The following EPHA4 variants were observed in gnomAD, a reference collection of about 807,000 sequenced individuals.
EPHA4 encodes the protein EPH receptor A4.
EPHA4 carries 19 observed loss-of-function variants against 108.3 expected under a neutral mutation model. That is an observed-to-expected ratio of 0.18 (90% CI 0.12 to 0.26). The LOEUF (loss-of-function observed/expected upper bound fraction) is 0.26. Among genes scored for constraint, EPHA4 ranks in the 10% least tolerant of loss-of-function variants. The pLI is 1.00. For synonymous variants in EPHA4, 449 were observed against 455.5 expected, an observed-to-expected ratio of 0.99 and a Z score of 0.18; for missense variants, 917 against 1,254.0, an observed-to-expected ratio of 0.73 and a Z score of 4.06.
At position 221,460,925 on chromosome 2, in the gene EPHA4, G is replaced by C. The variant is rs189411162; in HGVS notation, c.1319-2935C>G. On this transcript the variant is annotated intron_variant, in intron 5 of 17. Transcript: ENST00000281821. ...AGTAATATTTTCTTTAATAAATGCA[G>C]TATCTTTAACTTCAACAGTTGTATT... Among the ~76,000 whole-genome samples, 11 of 152,300 alleles carry C rather than the reference G, an allele frequency of 7.2e-5. No homozygotes were observed. The East Asian group carries it at 1.9e-3, about 27-fold the overall frequency.
intron 3 of EPHA4, among the ~76,000 whole-genome samples, chr2:221,562,651 T>C (rs1225418235): frequency 2.0e-5 from 3 of 152,248 alleles, no homozygotes; most frequent in Non-Finnish European, 4.4e-5. Context: ...TCTAACTATT[T>C]TGTAGTAACC....
intron 5 of EPHA4, among the ~76,000 whole-genome samples, chr2:221,472,300 CAAAAAAAAAA>C (rs11397333): frequency 8.6e-6 from 1 of 115,806 alleles, no homozygotes; most frequent in Non-Finnish European, 1.7e-5. Flanking sequence ...ACTTATTTTA[CAAAAAAAAAA>C]AAAAAAAAAT....
intron 3 of EPHA4, among the ~76,000 whole-genome samples, chr2:221,527,330 G>A (rs976268806): frequency 2.0e-5 from 3 of 152,108 alleles, no homozygotes; most frequent in Non-Finnish European, 4.4e-5. Flanking sequence ...TTCACCTGCC[G>A]AGTCTCTCAT....
intron 3 of EPHA4, among the ~76,000 whole-genome samples, chr2:221,536,810 G>C (rs1693685733): frequency 6.6e-6 from 1 of 152,208 alleles, no homozygotes; most frequent in Admixed American, 6.5e-5. Context: ...TCACCTATTA[G>C]CTGTGTGACT....
intron 3 of EPHA4, chr2:221,502,585 C>T (rs1242273623): frequency 2.1e-6 from 1 of 471,236 alleles, no homozygotes; most frequent in African/African-American, 2.0e-5. Flanking sequence ...GGAGATAGGG[C>T]CATCATCTCA....
intron 3 of EPHA4, among the ~76,000 whole-genome samples, chr2:221,558,853 C>A (rs1378942470): frequency 6.6e-6 from 1 of 152,038 alleles, no homozygotes; most frequent in African/African-American, 2.4e-5. Context: ...TGCTTCAAAG[C>A]CGGAGATAAA....
chr2:221,449,346 T>C lies in EPHA4; in HGVS notation c.1716-3165A>G, dbSNP rs545808964. On this transcript the variant is annotated intron_variant, in intron 8 of 17. Transcript: ENST00000281821. ...GCAGCCAGCCTGCAGGAAGCCACAC[T>C]GCCTGAAGAAGTCCTAACTCAAAAC... Among the ~76,000 whole-genome samples, 20 of 152,348 alleles carry C rather than the reference T, an allele frequency of 1.3e-4. No homozygotes were observed. In the South Asian group the frequency reaches 3.9e-3, roughly 30 times the overall value.
chr2:221,499,742 ATATATATATATATATT>A lies in EPHA4; in HGVS notation c.979+1259_979+1274del, dbSNP rs1443006471. On this transcript the variant is annotated intron_variant, in intron 4 of 17. Transcript: ENST00000281821. Reference sequence around the variant, plus strand: ...TATATATATATATATATATATATATATATATATATATATATTTTTTTTTTTTTTTTTTGAGACAGAG... The same window carrying A: ...TATATATATATATATATATATATATATTTTTTTTTTTTTTTTGAGACAGAG... Among the ~76,000 whole-genome samples, 45 of 56,436 alleles carry A rather than the reference ATATATATATATATATT, an allele frequency of 8.0e-4. 2 individuals carry two copies. The East Asian group carries it at 0.02, about 25-fold the overall frequency. 37.0% of individuals were successfully genotyped at this position (56,436 alleles called of 152,430 possible). A position where few individuals can be genotyped will look rare whatever the true frequency, so the allele number is the denominator to read the frequency against.
At chr2:221,439,088 A>C (rs549034914) in intron 11 of EPHA4, among the ~76,000 whole-genome samples, 1 of 152,278 alleles carries the variant, frequency 6.6e-6, no homozygotes, top group African/African-American at 2.4e-5. Flanking sequence ...CTAAGAAATT[A>C]CTCAGAGGCA....
chr2:221,497,522 T>G (rs149961133), intron 4 of EPHA4, among the ~76,000 whole-genome samples: 351 of 152,250 alleles, frequency 2.3e-3, no homozygotes, highest in African/African-American at 7.8e-3. Context: ...ATGGATCACA[T>G]GAGGTGACGA....
At chr2:221,533,998 A>C (rs1693594296) in intron 3 of EPHA4, among the ~76,000 whole-genome samples, 1 of 152,146 alleles carries the variant, frequency 6.6e-6, no homozygotes. Context: ...CTTCACACTT[A>C]AGGAAATAAA....
intron 3 of EPHA4, among the ~76,000 whole-genome samples, chr2:221,547,786 A>G (rs1020717242): frequency 6.6e-6 from 1 of 152,206 alleles, no homozygotes; most frequent in African/African-American, 2.4e-5. Context: ...ATTGTCAAGC[A>G]GTATACATGG....
chr2:221,433,670 GT>G (rs1236429617), intron 14 of EPHA4, among the ~76,000 whole-genome samples: 1 of 152,180 alleles, frequency 6.6e-6, no homozygotes, highest in Non-Finnish European at 1.5e-5. Flanking sequence ...TTTACCAAGG[GT>G]CATTGAGTGA....
chr2:221,469,805 ACAGAAAGGTC>A (rs1274878188), intron 5 of EPHA4, among the ~76,000 whole-genome samples: 1 of 152,154 alleles, frequency 6.6e-6, no homozygotes, highest in African/African-American at 2.4e-5. Flanking sequence ...TGACCTAAAG[ACAGAAAGGTC>A]CAGAATCCCA....
intron 3 of EPHA4, among the ~76,000 whole-genome samples, chr2:221,514,388 G>A (rs776456414): frequency 6.6e-6 from 1 of 152,156 alleles, no homozygotes; most frequent in African/African-American, 2.4e-5. Context: ...GGCACAAAAG[G>A]TTAGTGTTTA....
intron 9 of EPHA4, among the ~76,000 whole-genome samples, chr2:221,444,408 G>A (rs1047948546): frequency 6.6e-6 from 1 of 152,122 alleles, no homozygotes; most frequent in African/African-American, 2.4e-5. Flanking sequence ...CCCTCCTGGA[G>A]CTGTTGGGGC....
intron 7 of EPHA4, 64 bp from the exon 8 acceptor site, chr2:221,455,722 G>T: frequency 8.3e-7 from 1 of 1,201,518 alleles, no homozygotes; most frequent in Non-Finnish European, 1.2e-6. Context: ...ACTTCTGAAT[G>T]GGTCACAGTT....
At chr2:221,572,099 C>A in intron 1 of EPHA4, 59 bp downstream of exon 1, 3 of 1,441,590 alleles carry the variant, frequency 2.1e-6, no homozygotes, top group Non-Finnish European at 2.9e-6. Flanking sequence ...TCCTGAGGAC[C>A]CCTCACCCGC....
At chr2:221,495,475 G>A (rs1225752204) in intron 4 of EPHA4, among the ~76,000 whole-genome samples, 1 of 152,182 alleles carries the variant, frequency 6.6e-6, no homozygotes, top group African/African-American at 2.4e-5. Flanking sequence ...ATCCGCAGGT[G>A]ATTTCCATGT....
Sources: gnomAD v4.1 joint callset for allele counts (sites outside exome capture counted in the v4.1 genomes callset) on GRCh38, gnomAD v4.1.1 for gene constraint, MANE v1.5 for transcripts, NCBI Gene and HGNC (gene_info 2026-07-23, HGNC 2026-07-21) for gene names.